Variants in AAAS observed in about 807,000 individuals in gnomAD.
AAAS encodes aladin WD repeat nucleoporin, also known as aladin.
A neutral mutation model predicts 75.6 loss-of-function variants in AAAS; 60 were observed. That is an observed-to-expected ratio of 0.79 (90% CI 0.64 to 0.98). AAAS has a LOEUF of 0.98. Ranked by LOEUF, AAAS falls within the 50% of genes least tolerant of loss-of-function variation. The pLI is 0.00. For missense variants in AAAS, 658 were observed against 686.9 expected (o/e 0.96, Z 0.47); for synonymous variants, 271 against 265.0 (o/e 1.02, Z -0.22).
chr12:53,318,249 T>TGTGTGTGTGTGTGTGTGTGC (rs1944496093), intron 2 of AAAS, among the ~76,000 whole-genome samples: 5 of 140,758 alleles, frequency 3.6e-5, no homozygotes, highest in African/African-American at 1.5e-4. Context: ...TGTGTGCGTG[T>TGTGTGTGTGTGTGTGTGTGC]GTGTGTGTGT....
intron 7 of AAAS, among the ~76,000 whole-genome samples, chr12:53,310,394 C>T (rs1944369768): frequency 6.6e-6 from 1 of 152,132 alleles, no homozygotes; most frequent in Non-Finnish European, 1.5e-5. Flanking sequence ...CCCGTCTCTA[C>T]TAAAAGTACA....
At chr12:53,311,872 G>A (rs1944394344) in intron 7 of AAAS, among the ~76,000 whole-genome samples, 1 of 151,778 alleles carries the variant, frequency 6.6e-6, no homozygotes, top group Admixed American at 6.6e-5. Flanking sequence ...AGCTGAGATG[G>A]CGCCACTGCA....
chr12:53,321,595 G>T lies in AAAS; in HGVS notation c.-130C>A. 1 of 1,489,558 alleles carries T rather than the reference G, an allele frequency of 6.7e-7. No individual in the cohort carries two copies. The highest frequency in any genetic ancestry group is 9.2e-7 in the Non-Finnish European group (1 of 1,082,434). 92.3% of individuals were successfully genotyped at this position (1,489,558 alleles called of 1,614,324 possible). A position where few individuals can be genotyped will look rare whatever the true frequency, so the allele number is the denominator to read the frequency against. Reference sequence around the variant, plus strand: ...TACCGCAAGGGACAAACGGCGAGGCGGAACTCAACGGAAGTGAAGAAAAGA... The same window carrying T: ...TACCGCAAGGGACAAACGGCGAGGCTGAACTCAACGGAAGTGAAGAAAAGA... On this transcript the variant is annotated 5_prime_UTR_variant, in exon 1 of 16. Coordinates refer to ENST00000209873, the MANE Select transcript of AAAS (RefSeq NM_015665.6).
intron 2 of AAAS, among the ~76,000 whole-genome samples, chr12:53,317,897 T>C (rs1944488412): frequency 6.6e-6 from 1 of 152,152 alleles, no homozygotes; most frequent in African/African-American, 2.4e-5. Context: ...GAAAGAGCAA[T>C]ACAACAGAAA....
intron 7 of AAAS, among the ~76,000 whole-genome samples, chr12:53,312,863 T>TA (rs1491581552): frequency 0.19 from 723 of 3,752 alleles, 4 homozygotes; most frequent in Middle Eastern, 0.5. Context: ...TATATATATA[T>TA]TTTTTTTTTT....
At chr12:53,321,290 T>C (rs1944550232) in intron 1 of AAAS, 53 bp downstream of exon 1, 3 of 1,594,500 alleles carry the variant, frequency 1.9e-6, no homozygotes, top group Admixed American at 3.4e-5. Flanking sequence ...TCCCCAGTAG[T>C]CCCCGACTCC....
Position 53,308,970 on chromosome 12 carries a change from C to A in AAAS, c.986G>T (p.Gly329Val). ...WTCERWPTLS[G>V]RCQTGCWSPD... ...AGAGTCCCCTCTTACCTGACAGCGC[C>A]CTGATAGAGTAGGCCACCTCTCACA... The change falls in exon 10 of 16, where the codon GGG becomes GTG. Residue 329 changes from glycine to valine, a missense_variant. Physicochemically the swap from Gly to Val is moderately radical, Grantham distance 109. Transcript: ENST00000209873. The A allele has an allele frequency of 6.2e-7, 1 of 1,614,216 alleles. No homozygotes were observed.
chr12:53,320,707 T>A lies in AAAS; in HGVS notation c.124-15A>T. On this transcript the variant is annotated splice_polypyrimidine_tract_variant and intron_variant, in intron 1 of 15. Coordinates refer to ENST00000209873, the MANE Select transcript of AAAS (RefSeq NM_015665.6). The stretch of plus-strand genomic sequence containing the variant: ...AGATTGATCCACTATAGCACAAAAG[T>A]GAGGAGTGTGACGGTGATTCAGTCT... 20 of 1,613,806 alleles carry A rather than the reference T, an allele frequency of 1.2e-5. No homozygotes were observed. The highest frequency in any genetic ancestry group is 1.7e-5 in the Non-Finnish European group (20 of 1,179,764).
chr12:53,309,001 A>G lies in AAAS; in HGVS notation c.955T>C (p.Trp319Arg), dbSNP rs1353207532. Residue 319 changes from tryptophan to arginine, a missense_variant, in exon 10 of 16, where the codon TGG becomes CGG. Coordinates refer to ENST00000209873, the MANE Select transcript of AAAS (RefSeq NM_015665.6). ...AGAGTAGGCCACCTCTCACAAGTCC[A>G]CATCTGGGCCTCCCAGACTCTGAGC... ...AVFRVWEAQM[W>R]TCERWPTLSG... is the part of the protein sequence containing the mutation. 3 of 1,614,228 alleles carry G rather than the reference A, an allele frequency of 1.9e-6. No homozygotes were observed. In the East Asian group the frequency reaches 6.7e-5, roughly 36 times the overall value.
chr12:53,315,728 CTCTTCT>C lies in AAAS; in HGVS notation c.300_305del (p.Glu101_Glu102del). 6.2e-7 allele frequency: 1 copy of C among 1,613,658 alleles called. No individual in the cohort carries two copies. Among genetic ancestry groups the C allele is most frequent in the Non-Finnish European group, 8.5e-7 (1 of 1,179,844 alleles). ...AAGGCTGGAGGGAAAAATACTTACC[CTCTTCT>C]TCTGAGTTTGCAATTTCATTTAGCA... On this transcript the variant is annotated inframe_deletion and splice_region_variant, in exon 3 of 16. Coordinates refer to ENST00000209873, the MANE Select transcript of AAAS (RefSeq NM_015665.6).
chr12:53,309,565 G>T, intron 8 of AAAS, 36 bp downstream of exon 8: 1 of 1,613,220 alleles, frequency 6.2e-7, no homozygotes, highest in Non-Finnish European at 8.5e-7. Context: ...CTTTTGCCAG[G>T]ACTGAAATGT....
chr12:53,320,861 G>C (rs1944543006), intron 1 of AAAS, 169 bp from the exon 2 acceptor site: 2 of 734,168 alleles, frequency 2.7e-6, no homozygotes, highest in Non-Finnish European at 4.5e-6. Flanking sequence ...CTTAGCTCCC[G>C]TATCTGTGCA....
intron 7 of AAAS, 141 bp from the exon 8 acceptor site, chr12:53,309,862 G>T (rs921660111): frequency 5.5e-6 from 7 of 1,278,896 alleles, no homozygotes; most frequent in East Asian, 2.7e-5. Flanking sequence ...AAGGAATAAG[G>T]ATTGTGAAAG....
At chr12:53,321,083 C>A in intron 1 of AAAS, 1 of 596,174 alleles carries the variant, frequency 1.7e-6, no homozygotes, top group Non-Finnish European at 2.9e-6. Context: ...ATAGTTCTCC[C>A]GCATCCTCAC....
intron 2 of AAAS, among the ~76,000 whole-genome samples, chr12:53,318,957 C>A (rs1944509752): frequency 6.6e-6 from 1 of 152,096 alleles, no homozygotes. Flanking sequence ...TTCAACTTCA[C>A]ACACACAGGC....
rs749899811 is a variant in AAAS at position 53,315,776 on chromosome 12, A to T, written c.258T>A (p.Asp86Glu). Reference protein sequence around the residue: ...VWKRCINIWRDVGLFGVLNEI... With the variant: ...VWKRCINIWREVGLFGVLNEI... The stretch of plus-strand genomic sequence containing the variant: ...CATTTAGCACCCCAAAAAGGCCCAC[A>T]TCACGCCTGATAAGGGAGGAAAATG... The change falls in exon 3 of 16, where the codon GAT becomes GAA. Residue 86 changes from aspartate (D) to glutamate (E), a missense_variant. Physicochemically the swap from Asp to Glu is conservative, Grantham distance 45. Transcript: ENST00000209873. The T allele has an allele frequency of 6.2e-7, 1 of 1,613,826 alleles. No individual in the cohort carries two copies. Among genetic ancestry groups the T allele is most frequent in the Non-Finnish European group, 8.5e-7 (1 of 1,179,894 alleles).
chr12:53,317,310 C>A (rs1309277097), intron 2 of AAAS, among the ~76,000 whole-genome samples: 1 of 152,032 alleles, frequency 6.6e-6, no homozygotes, highest in Non-Finnish European at 1.5e-5. Flanking sequence ...GTAATCCCAG[C>A]ACTTTGGGAG....
intron 6 of AAAS, 99 bp downstream of exon 6, chr12:53,314,652 A>G (rs1944437228): frequency 2.2e-6 from 3 of 1,392,640 alleles, no homozygotes; most frequent in Non-Finnish European, 3.0e-6. Flanking sequence ...AAGGAGCCCC[A>G]TGAATCAGGT....
intron 6 of AAAS, 116 bp downstream of exon 6, chr12:53,314,635 G>T: frequency 7.4e-7 from 1 of 1,343,546 alleles, no homozygotes; most frequent in Non-Finnish European, 1.0e-6. Flanking sequence ...CCTGACCCCA[G>T]TTCTGGAAGG....
Sources: gnomAD v4.1 joint callset for allele counts (sites outside exome capture counted in the v4.1 genomes callset) on GRCh38, gnomAD v4.1.1 for gene constraint, MANE v1.5 for transcripts, NCBI Gene and HGNC (gene_info 2026-07-23, HGNC 2026-07-21) for gene names.